Variants in DDR2 observed in about 807,000 individuals in gnomAD.
DDR2 encodes the protein discoidin domain-containing receptor 2.
In DDR2, 27 loss-of-function variants were observed where a neutral mutation model predicts 94.9. The ratio of observed to expected loss-of-function variants is 0.28; its 90% CI spans 0.21 to 0.39. The LOEUF (loss-of-function observed/expected upper bound fraction) is 0.39, where lower values mean the gene tolerates loss of function less well. DDR2 is among the 10% of genes least tolerant of loss of function. DDR2 has a pLI of 1.00. For synonymous variants in DDR2, 382 were observed against 377.2 expected, an observed-to-expected ratio of 1.01 and a Z score of -0.15; for missense variants, 783 against 1,076.0, an observed-to-expected ratio of 0.73 and a Z score of 3.81.
At chr1:162,736,434 A>G (rs1002835136) in intron 3 of DDR2, among the ~76,000 whole-genome samples, 2 of 152,234 alleles carry the variant, frequency 1.3e-5, no homozygotes, top group Non-Finnish European at 2.9e-5. Context: ...GTGGAATTAC[A>G]GGCTTTAGAG....
At chr1:162,730,332 G>A (rs1293245457) in intron 3 of DDR2, among the ~76,000 whole-genome samples, 2 of 152,128 alleles carry the variant, frequency 1.3e-5, no homozygotes, top group Non-Finnish European at 2.9e-5. Flanking sequence ...GGAGGGTGAG[G>A]CCTTCATGCT....
intron 1 of DDR2, among the ~76,000 whole-genome samples, chr1:162,637,446 C>A (rs1389038741): frequency 6.6e-6 from 1 of 151,958 alleles, no homozygotes; most frequent in Non-Finnish European, 1.5e-5. Context: ...AAACTGAGAA[C>A]AAAATGCAGA....
intron 5 of DDR2, 105 bp from the exon 6 acceptor site, chr1:162,755,050 TG>T (rs2102136042): frequency 6.5e-7 from 1 of 1,536,508 alleles, no homozygotes; most frequent in Admixed American, 1.7e-5. Flanking sequence ...AGATGCATTC[TG>T]CTCCTCGAAT....
intron 4 of DDR2, among the ~76,000 whole-genome samples, chr1:162,753,893 C>G (rs1197793037): frequency 6.6e-6 from 1 of 152,090 alleles, no homozygotes; most frequent in Non-Finnish European, 1.5e-5. Context: ...GAACCTTTCC[C>G]CTTAATTTCT....
chr1:162,685,378 C>T (rs1249565101), intron 2 of DDR2, among the ~76,000 whole-genome samples: 3 of 152,146 alleles, frequency 2.0e-5, no homozygotes, highest in African/African-American at 7.2e-5. Context: ...AACAATACTC[C>T]TAACATTATG....
chr1:162,658,894 C>T (rs929453303), intron 2 of DDR2, among the ~76,000 whole-genome samples: 6 of 148,560 alleles, frequency 4.0e-5, no homozygotes, highest in African/African-American at 1.5e-4. Context: ...CAAGGGCTGA[C>T]ATGGACAATT....
chr1:162,774,711 G>A (rs940004202), intron 14 of DDR2, among the ~76,000 whole-genome samples: 1 of 152,136 alleles, frequency 6.6e-6, no homozygotes, highest in Non-Finnish European at 1.5e-5. Flanking sequence ...CCGTTGTTCC[G>A]ATCGGTGAAG....
intron 3 of DDR2, among the ~76,000 whole-genome samples, chr1:162,725,045 T>C (rs57149748): frequency 0.018 from 2,776 of 152,188 alleles, 80 homozygotes; most frequent in African/African-American, 0.063. Flanking sequence ...TTGTGCCAAA[T>C]AGGGAAAAAG....
intron 3 of DDR2, among the ~76,000 whole-genome samples, chr1:162,746,174 G>A (rs955461693): frequency 1.3e-5 from 2 of 152,168 alleles, no homozygotes; most frequent in South Asian, 2.1e-4. Flanking sequence ...GTGGGGCATC[G>A]CCTCACCCAG....
At chr1:162,773,099 T>C (rs1334130240) in intron 13 of DDR2, among the ~76,000 whole-genome samples, 1 of 152,234 alleles carries the variant, frequency 6.6e-6, no homozygotes, top group Non-Finnish European at 1.5e-5. Context: ...GGGATTATTT[T>C]AGGAAATTGC....
chr1:162,729,294 A>ATTTTT (rs1455925320), intron 3 of DDR2, among the ~76,000 whole-genome samples: 7 of 30,022 alleles, frequency 2.3e-4, no homozygotes, highest in African/African-American at 5.0e-4. Context: ...ATATATATAT[A>ATTTTT]TATATATTTT....
rs551989145 is a variant in DDR2, at chr1:162,781,864, A to T, written c.*1618A>T. 4 of 152,364 alleles carry T rather than the reference A, an allele frequency of 2.6e-5. No homozygotes were observed. Among genetic ancestry groups the T allele is most frequent in the Admixed American group, 2.6e-4 (4 of 15,304 alleles). The allele number at this position is 152,364 out of a possible 1,614,324, so 9.4% of individuals were successfully genotyped here. On this transcript the variant is annotated 3_prime_UTR_variant, in exon 18 of 18. Transcript: ENST00000367921. ...AAATCAGTTTCCCAAGCTGAGAAGGATTAGCCTTGACCCCTTGGGTCTGCC... is the reference window on the plus strand; with the variant it reads ...AAATCAGTTTCCCAAGCTGAGAAGGTTTAGCCTTGACCCCTTGGGTCTGCC...
At chr1:162,773,631 A>G (rs369007632) in intron 14 of DDR2, 35 bp downstream of exon 14, 67 of 1,611,802 alleles carry the variant, frequency 4.2e-5, no homozygotes, top group Admixed American at 6.7e-5. Flanking sequence ...TCCTTTAGGT[A>G]TTTCATCTTT....
At chr1:162,762,813 A>G (rs1226516435) in intron 9 of DDR2, among the ~76,000 whole-genome samples, 3 of 151,996 alleles carry the variant, frequency 2.0e-5, no homozygotes, top group Non-Finnish European at 2.9e-5. Context: ...TTAATGCTTA[A>G]TCGATTGCAG....
chr1:162,647,903 C>G (rs1261589484), intron 1 of DDR2, among the ~76,000 whole-genome samples: 2 of 152,164 alleles, frequency 1.3e-5, no homozygotes, highest in Non-Finnish European at 2.9e-5. Flanking sequence ...TGCCAACGTC[C>G]TGTCTCATCC....
chr1:162,753,064 T>C, intron 3 of DDR2, 31 bp from the exon 4 acceptor site: 1 of 1,575,144 alleles, frequency 6.3e-7, no homozygotes, highest in Non-Finnish European at 8.7e-7. Context: ...AACCATGTCC[T>C]CTCTTTTCTC....
intron 3 of DDR2, among the ~76,000 whole-genome samples, chr1:162,730,303 A>C (rs192780259): frequency 9.9e-5 from 15 of 152,246 alleles, no homozygotes; most frequent in African/African-American, 3.6e-4. Flanking sequence ...GCAGAGGTAG[A>C]GCAGCCCGGG....
chr1:162,747,578 A>C (rs534482157), intron 3 of DDR2, among the ~76,000 whole-genome samples: 14 of 152,364 alleles, frequency 9.2e-5, no homozygotes, highest in Non-Finnish European at 1.6e-4. Context: ...AACACTCTTC[A>C]GGGTATTATC....
Position 162,691,759 on chromosome 1 carries a change from T to C in DDR2, c.-27-27278T>C, listed in dbSNP as rs183716743. Among the ~76,000 whole-genome samples the C allele has an allele frequency of 2.0e-5, 3 of 152,358 alleles. No homozygotes were observed. In the East Asian group the frequency reaches 5.8e-4, roughly 29 times the overall value. Reference sequence around the variant, plus strand: ...CTGAAAATTTAATAATCAGCTCTTATGAGCCTGTACAAACTGAACTTGCAT... The same window carrying C: ...CTGAAAATTTAATAATCAGCTCTTACGAGCCTGTACAAACTGAACTTGCAT... On this transcript the variant is annotated intron_variant, in intron 2 of 17. Transcript: ENST00000367921.
Sources: allele counts gnomAD v4.1 joint callset (sites outside exome capture counted in the v4.1 genomes callset), GRCh38; gene constraint gnomAD v4.1.1; transcripts MANE v1.5; gene names NCBI Gene and HGNC (gene_info 2026-07-23, HGNC 2026-07-21).